CPNE4: variants seen among roughly 807,000 people sequenced by gnomAD.
CPNE4 encodes the protein copine 4.
Under a neutral mutation model 67.9 loss-of-function variants are expected in CPNE4, and 25 were observed. The observed-to-expected ratio is 0.37, with a 90% CI of 0.27 to 0.51. The LOEUF is 0.51. Among genes scored for constraint, CPNE4 ranks in the 20% least tolerant of loss-of-function variants. The pLI is 0.93. For missense variants in CPNE4, 464 were observed against 690.8 expected, an observed-to-expected ratio of 0.67 and a Z score of 3.68; for synonymous variants, 242 against 244.9, an observed-to-expected ratio of 0.99 and a Z score of 0.11.
At chr3:131,548,530 G>A (rs954501234) in intron 14 of CPNE4, among the ~76,000 whole-genome samples, 5 of 152,098 alleles carry the variant, frequency 3.3e-5, no homozygotes, top group Non-Finnish European at 5.9e-5. Flanking sequence ...GGAACTTTCA[G>A]AGGGGTTGAG....
intron 1 of CPNE4, among the ~76,000 whole-genome samples, chr3:131,979,749 T>G (rs560142699): frequency 1.8e-3 from 265 of 149,354 alleles, no homozygotes; most frequent in Middle Eastern, 3.4e-3. Flanking sequence ...GTATCTTGAG[T>G]TTTTTTTTTC....
At chr3:131,835,160 T>C (rs931417332) in intron 2 of CPNE4, among the ~76,000 whole-genome samples, 2 of 152,216 alleles carry the variant, frequency 1.3e-5, no homozygotes, top group East Asian at 3.9e-4. Flanking sequence ...GTTCCCTATA[T>C]ATTTTTGTCT....
chr3:131,647,711 C>A (rs139553657), intron 7 of CPNE4, among the ~76,000 whole-genome samples: 36 of 152,242 alleles, frequency 2.4e-4, no homozygotes, highest in African/African-American at 7.9e-4. Context: ...GATAACAAAC[C>A]TACCCTGCAT....
chr3:131,667,859 G>A (rs1389257131), intron 7 of CPNE4, among the ~76,000 whole-genome samples: 1 of 152,088 alleles, frequency 6.6e-6, no homozygotes, highest in Non-Finnish European at 1.5e-5. Flanking sequence ...CTCATAAAAA[G>A]TAGATATATG....
chr3:131,832,442 T>C (rs1433906981), intron 2 of CPNE4, among the ~76,000 whole-genome samples: 1 of 152,178 alleles, frequency 6.6e-6, no homozygotes. Context: ...GCCAGAACTT[T>C]GCAGGTGGGA....
rs2072516517 is a variant in CPNE4, at chr3:131,972,026, A to G, written c.-2+62541T>C. Among the ~76,000 whole-genome samples, 4 of 152,332 alleles carry G rather than the reference A, an allele frequency of 2.6e-5. No individual in the cohort carries two copies. The South Asian group carries it at 8.3e-4, about 32-fold the overall frequency. ...ATGAGTGGGTAAATGAGAGAATGGC[A>G]AAGGACATACATTTAAGAGAAGAAA... On this transcript the variant is annotated intron_variant, in intron 1 of 15. Transcript: ENST00000429747.
At chr3:131,625,882 G>C (rs1015535805) in intron 7 of CPNE4, among the ~76,000 whole-genome samples, 1 of 152,122 alleles carries the variant, frequency 6.6e-6, no homozygotes, top group Admixed American at 6.5e-5. Flanking sequence ...TTTTCCAACA[G>C]GATGTGCTGC....
intron 5 of CPNE4, among the ~76,000 whole-genome samples, chr3:131,691,835 GAAATAATTCATAAGCACCTCAA>G (rs2081041270): frequency 6.6e-6 from 1 of 152,162 alleles, no homozygotes. Flanking sequence ...TCATGGAAAT[GAAATAATTCATAAGCACCTCAA>G]AATCTCAAGT....
chr3:132,038,068 A>C (rs1420478092), upstream of CPNE4: 1 of 148,238 alleles, frequency 6.7e-6, no homozygotes, highest in East Asian at 2.0e-4. Context: ...TATATTTTTG[A>C]GGCTGTGGAT....
At chr3:131,758,061 GTA>G (rs2082796068) in intron 2 of CPNE4, among the ~76,000 whole-genome samples, 1 of 152,266 alleles carries the variant, frequency 6.6e-6, no homozygotes, top group Admixed American at 6.5e-5. Context: ...TGCTAGGGCA[GTA>G]TGGAAGGGAA....
intron 10 of CPNE4, 63 bp downstream of exon 10, chr3:131,575,008 G>C: frequency 1.4e-6 from 2 of 1,412,714 alleles, no homozygotes; most frequent in South Asian, 2.3e-5. Context: ...CCCAAACCCA[G>C]TGCCACCCCT....
chr3:131,974,868 C>T (rs1352583488), intron 1 of CPNE4, among the ~76,000 whole-genome samples: 26 of 152,022 alleles, frequency 1.7e-4, no homozygotes, highest in Admixed American at 3.9e-4. Context: ...ATTAGCCCGG[C>T]GTGGTGGTGC....
rs540297186 is a variant in CPNE4 at position 131,548,300 on chromosome 3, T to C, written c.1302+1647A>G. On this transcript the variant is annotated intron_variant, in intron 14 of 15. Transcript: ENST00000429747. ...ATATGCGTTCTTTAAGTAGTATTTA[T>C]TAAGCATGTACTGTGTGCAGGCATT... 1.6e-3 allele frequency among the ~76,000 whole-genome samples: 248 copies of C among 152,248 alleles called. 1 individual carries two copies. Among genetic ancestry groups the C allele is most frequent in the Middle Eastern group, 6.8e-3 (2 of 294 alleles).
At chr3:131,921,612 A>G (rs2070741656) in intron 1 of CPNE4, among the ~76,000 whole-genome samples, 1 of 152,214 alleles carries the variant, frequency 6.6e-6, no homozygotes, top group Non-Finnish European at 1.5e-5. Context: ...TTTACTAACC[A>G]TAATGATAGG....
intron 14 of CPNE4, among the ~76,000 whole-genome samples, chr3:131,548,840 A>G (rs1340132198): frequency 6.6e-6 from 1 of 152,198 alleles, no homozygotes; most frequent in Non-Finnish European, 1.5e-5. Context: ...GAACAAAGGA[A>G]TGCTGCAATA....
intron 7 of CPNE4, among the ~76,000 whole-genome samples, chr3:131,659,542 G>A (rs1052156490): frequency 6.6e-6 from 1 of 152,166 alleles, no homozygotes; most frequent in Non-Finnish European, 1.5e-5. Flanking sequence ...GCACTGAATA[G>A]CATTCATCTG....
chr3:131,744,539 C>A (rs181629906), intron 2 of CPNE4, among the ~76,000 whole-genome samples: 128 of 152,308 alleles, frequency 8.4e-4, no homozygotes, highest in African/African-American at 3.0e-3. Context: ...TTTCCATCCC[C>A]ACAAGGATCC....
intron 2 of CPNE4, among the ~76,000 whole-genome samples, chr3:131,859,734 C>A (rs775075746): frequency 6.6e-6 from 1 of 152,166 alleles, no homozygotes; most frequent in African/African-American, 2.4e-5. Context: ...ACATCCACTG[C>A]AGATGACAAG....
At chr3:131,780,774 C>T (rs2083414264) in intron 2 of CPNE4, among the ~76,000 whole-genome samples, 1 of 151,914 alleles carries the variant, frequency 6.6e-6, no homozygotes, top group Admixed American at 6.6e-5. Flanking sequence ...ATGTCCAAAC[C>T]CCCATGACAT....
Sources: allele counts gnomAD v4.1 joint callset (sites outside exome capture counted in the v4.1 genomes callset), GRCh38; gene constraint gnomAD v4.1.1; transcripts MANE v1.5; gene names NCBI Gene and HGNC (gene_info 2026-07-23, HGNC 2026-07-21).